Variants in TTC33 observed in about 807,000 individuals in gnomAD.
TTC33 encodes tetratricopeptide repeat protein 33.
TTC33 carries 24 observed loss-of-function variants against 29.4 expected under a neutral mutation model. The ratio of observed to expected loss-of-function variants is 0.82; its 90% CI spans 0.59 to 1.15. The LOEUF is 1.15. Ranked by LOEUF, TTC33 falls within the 50% of genes most tolerant of loss-of-function variation. The pLI, the probability that TTC33 is intolerant of heterozygous loss-of-function variation, is 0.00. For synonymous variants in TTC33, 107 were observed against 100.3 expected, an observed-to-expected ratio of 1.07 and a Z score of -0.40; for missense variants, 286 against 310.4, an observed-to-expected ratio of 0.92 and a Z score of 0.59.
At position 40,713,645 on chromosome 5, in the gene TTC33, T is replaced by C. The variant is rs140154721; in HGVS notation, c.*2500A>G. 2.9e-3 allele frequency among the ~76,000 whole-genome samples: 440 copies of C among 152,300 alleles called. 3 individuals carry two copies. The highest frequency in any genetic ancestry group is 4.8e-3 in the Non-Finnish European group (329 of 67,998). ...TATATGATTCTTGTGTTATCAGGCATGGTCTGGATGTCTAGACACTCTGAC... is the reference window on the plus strand; with the variant it reads ...TATATGATTCTTGTGTTATCAGGCACGGTCTGGATGTCTAGACACTCTGAC... On this transcript the variant is annotated 3_prime_UTR_variant, in exon 5 of 5. Transcript: ENST00000337702.
At position 40,743,129 on chromosome 5, in the gene TTC33, C is replaced by A. The variant is rs148765355; in HGVS notation, c.221+3669G>T. Among the ~76,000 whole-genome samples the A allele has an allele frequency of 4.1e-3, 631 of 152,194 alleles. 3 individuals carry two copies. Among genetic ancestry groups the A allele is most frequent in the African/African-American group, 0.015 (605 of 41,542 alleles). ...GTAACTTCAAAAAGGGAGAAATGCT[C>A]AAAAACAAAATGCACTGATGTGATA... On this transcript the variant is annotated intron_variant, in intron 2 of 4. Coordinates refer to ENST00000337702, the MANE Select transcript of TTC33 (RefSeq NM_012382.3).
intron 4 of TTC33, among the ~76,000 whole-genome samples, chr5:40,725,373 G>A (rs1431142308): frequency 6.6e-6 from 1 of 152,052 alleles, no homozygotes; most frequent in Non-Finnish European, 1.5e-5. Context: ...CATTACAAAA[G>A]CGAAACAATA....
rs552202661 is a variant in TTC33 at position 40,712,080 on chromosome 5, T to G, written c.*4065A>C. On this transcript the variant is annotated 3_prime_UTR_variant, in exon 5 of 5. Transcript: ENST00000337702. ...TTTATTATTTCTAAGTTATACTCAT[T>G]TAAGAAAGTTAATAGAGGTGAACAG... is the stretch of plus-strand genomic sequence containing the variant. Among the ~76,000 whole-genome samples the G allele has an allele frequency of 6.6e-6, 1 of 152,226 alleles. No homozygotes were observed. Among genetic ancestry groups the G allele is most frequent in the Non-Finnish European group, 1.5e-5 (1 of 68,004 alleles).
rs142845813 is a variant in TTC33, at chr5:40,750,087, CAA to C, written c.-1-3070_-1-3069del. Among the ~76,000 whole-genome samples the C allele has an allele frequency of 6.0e-3, 798 of 132,390 alleles. 4 individuals carry two copies. Among genetic ancestry groups the C allele is most frequent in the African/African-American group, 0.016 (583 of 35,604 alleles). The allele number at this position is 132,390 out of a possible 152,430, so 86.9% of individuals were successfully genotyped here. A position where few individuals can be genotyped will look rare whatever the true frequency, so the allele number is the denominator to read the frequency against. ...TGAGCAACAGAGCGAAACTCCATCT[CAA>C]AAAAAAAAAAAAAAGTACATGCCTT... On this transcript the variant is annotated intron_variant, in intron 1 of 4. Coordinates refer to ENST00000337702, the MANE Select transcript of TTC33 (RefSeq NM_012382.3).
intron 4 of TTC33, among the ~76,000 whole-genome samples, chr5:40,723,237 A>G (rs1742196123): frequency 6.6e-6 from 1 of 152,056 alleles, no homozygotes; most frequent in African/African-American, 2.4e-5. Context: ...TGAAGGCAGC[A>G]TGCTCCTTAA....
chr5:40,738,138 A>C (rs187244667), intron 2 of TTC33, among the ~76,000 whole-genome samples: 4 of 152,268 alleles, frequency 2.6e-5, no homozygotes, highest in Non-Finnish European at 4.4e-5. Context: ...CAGGCCAGGC[A>C]CAGTGGCTCA....
At chr5:40,721,140 G>A (rs571907369) in intron 4 of TTC33, among the ~76,000 whole-genome samples, 215 of 152,254 alleles carry the variant, frequency 1.4e-3, no homozygotes, top group African/African-American at 4.9e-3. Flanking sequence ...TTTTTATGGG[G>A]ACTACCAAAA....
At chr5:40,732,781 GT>G (rs1332898764) in intron 2 of TTC33, among the ~76,000 whole-genome samples, 5 of 151,944 alleles carry the variant, frequency 3.3e-5, no homozygotes, top group African/African-American at 1.2e-4. Context: ...GCTAATTTTT[GT>G]TTTTTCGTAG....
At chr5:40,747,833 T>C (rs1324639293) in intron 1 of TTC33, among the ~76,000 whole-genome samples, 2 of 152,154 alleles carry the variant, frequency 1.3e-5, no homozygotes, top group African/African-American at 4.8e-5. Flanking sequence ...AAGAAAACTT[T>C]TTTTTTTCTG....
chr5:40,746,116 G>A (rs540151466), intron 2 of TTC33, among the ~76,000 whole-genome samples: 1 of 152,052 alleles, frequency 6.6e-6, no homozygotes, highest in East Asian at 1.9e-4. Flanking sequence ...TTTCTCAACA[G>A]AATCTACTAA....
chr5:40,722,991 T>C (rs1300134310), intron 4 of TTC33, among the ~76,000 whole-genome samples: 2 of 152,260 alleles, frequency 1.3e-5, no homozygotes, highest in South Asian at 2.1e-4. Flanking sequence ...TTTTGTCAAA[T>C]AGAAAAGGGG....
At position 40,712,606 on chromosome 5, in the gene TTC33, G is replaced by C. The variant is rs1002297042; in HGVS notation, c.*3539C>G. On this transcript the variant is annotated 3_prime_UTR_variant, in exon 5 of 5. Transcript: ENST00000337702. Reference sequence around the variant, plus strand: ...ACAAATCTCCCTTTGCAGAGGCAAAGAACTTTCACTGCAAGGTTCACAATG... The same window carrying C: ...ACAAATCTCCCTTTGCAGAGGCAAACAACTTTCACTGCAAGGTTCACAATG... 6.6e-6 allele frequency among the ~76,000 whole-genome samples: 1 copy of C among 152,166 alleles called. No homozygotes were observed. Among genetic ancestry groups the C allele is most frequent in the African/African-American group, 2.4e-5 (1 of 41,448 alleles).
chr5:40,748,449 C>A (rs1742840243), intron 1 of TTC33, among the ~76,000 whole-genome samples: 1 of 151,900 alleles, frequency 6.6e-6, no homozygotes, highest in Non-Finnish European at 1.5e-5. Flanking sequence ...ACCCACCTCA[C>A]CCTCCCAAAT....
At chr5:40,754,739 T>G (rs148936059) in intron 1 of TTC33, among the ~76,000 whole-genome samples, 12 of 152,332 alleles carry the variant, frequency 7.9e-5, no homozygotes, top group Non-Finnish European at 2.9e-5. Flanking sequence ...CACTTGAGGC[T>G]TTCTGGAGGA....
intron 4 of TTC33, among the ~76,000 whole-genome samples, chr5:40,718,704 C>T (rs1456185528): frequency 6.6e-6 from 1 of 151,766 alleles, no homozygotes; most frequent in African/African-American, 2.4e-5. Context: ...CACCACCGCA[C>T]TTCAGCCTGG....
chr5:40,723,690 C>T lies in TTC33; in HGVS notation c.435+4655G>A, dbSNP rs982215108. Among the ~76,000 whole-genome samples, 9 of 152,080 alleles carry T rather than the reference C, an allele frequency of 5.9e-5. No homozygotes were observed. In the East Asian group the frequency reaches 9.6e-4, roughly 16 times the overall value. On this transcript the variant is annotated intron_variant, in intron 4 of 4. Transcript: ENST00000337702. ...GACCAGCCTGGCCAACATGGCAAAACCCTGTCTCTACTAAAAATACAAAAA... is the reference window on the plus strand; with the variant it reads ...GACCAGCCTGGCCAACATGGCAAAATCCTGTCTCTACTAAAAATACAAAAA...
intron 2 of TTC33, among the ~76,000 whole-genome samples, chr5:40,737,550 A>G (rs1225506583): frequency 6.6e-6 from 1 of 152,252 alleles, no homozygotes; most frequent in Non-Finnish European, 1.5e-5. Flanking sequence ...ACATTTGACA[A>G]GCACTCAAAA....
chr5:40,716,019 G>T lies in TTC33; in HGVS notation c.*126C>A. ...AATCCTGCCATTTTAGTTTTTATAT[G>T]CCTCATCTGAAAAACATATTTTACA... On this transcript the variant is annotated 3_prime_UTR_variant, in exon 5 of 5. Coordinates refer to ENST00000337702, the MANE Select transcript of TTC33 (RefSeq NM_012382.3). 1 of 725,168 alleles carries T rather than the reference G, an allele frequency of 1.4e-6. No individual in the cohort carries two copies. Among genetic ancestry groups the T allele is most frequent in the South Asian group, 2.2e-5 (1 of 44,494 alleles). The allele number at this position is 725,168 out of a possible 1,614,324, so 44.9% of individuals were successfully genotyped here.
At position 40,740,152 on chromosome 5, in the gene TTC33, T is replaced by C. The variant is rs115923208; in HGVS notation, c.221+6646A>G. 1.8e-3 allele frequency among the ~76,000 whole-genome samples: 271 copies of C among 152,238 alleles called. 1 individual carries two copies. Among genetic ancestry groups the C allele is most frequent in the African/African-American group, 6.2e-3 (259 of 41,552 alleles). ...ATATAACTTTGCAAAATGTTGCTGT[T>C]GTTATTTAATGTCAATTATCTTTTT... On this transcript the variant is annotated intron_variant, in intron 2 of 4. Coordinates refer to ENST00000337702, the MANE Select transcript of TTC33 (RefSeq NM_012382.3).
Sources: allele counts gnomAD v4.1 joint callset (sites outside exome capture counted in the v4.1 genomes callset), GRCh38; gene constraint gnomAD v4.1.1; transcripts MANE v1.5; gene names NCBI Gene and HGNC (gene_info 2026-07-23, HGNC 2026-07-21).